PDE10A: variants seen among roughly 807,000 people sequenced by gnomAD.
PDE10A encodes the protein cAMP and cAMP-inhibited cGMP 3',5'-cyclic phosphodiesterase 10A.
Under a neutral mutation model 97.7 loss-of-function variants are expected in PDE10A, and 39 were observed. The observed-to-expected ratio is 0.40, with a 90% CI of 0.31 to 0.52. The LOEUF (loss-of-function observed/expected upper bound fraction) is 0.52. Ranked by LOEUF, PDE10A falls within the 20% of genes least tolerant of loss-of-function variation. PDE10A has a pLI of 0.56. For missense variants in PDE10A, 731 were observed against 1,047.8 expected, an observed-to-expected ratio of 0.70 and a Z score of 4.17; for synonymous variants, 371 against 376.8, an observed-to-expected ratio of 0.98 and a Z score of 0.18.
At chr6:165,879,992 C>G (rs1041817787) in intron 1 of PDE10A, among the ~76,000 whole-genome samples, 2 of 151,606 alleles carry the variant, frequency 1.3e-5, no homozygotes, top group Non-Finnish European at 2.9e-5. Context: ...CCATTATGAT[C>G]CATGAAGCCC....
chr6:165,396,517 T>C (rs988105282), intron 13 of PDE10A, 58 bp from the exon 14 acceptor site: 1 of 1,520,936 alleles, frequency 6.6e-7, no homozygotes, highest in Non-Finnish European at 8.9e-7. Flanking sequence ...TAAACTGTTT[T>C]GTCACGGAAG....
At chr6:165,722,869 C>CAT (rs774004451) in intron 1 of PDE10A, among the ~76,000 whole-genome samples, 1,809 of 146,526 alleles carry the variant, frequency 0.012, 36 homozygotes, top group African/African-American at 0.042. Flanking sequence ...AAAATTTGTT[C>CAT]ATATATATAT....
rs1299461452 is a variant in PDE10A, at chr6:165,734,904, C to T, written c.-614-191336G>A. ...TGTAAACAGTATTAATGTGTTCATT[C>T]GGATTCTGTATTAGGATTATCCACA... On this transcript the variant is annotated intron_variant, in intron 1 of 19. Transcript: ENST00000366882. Among the ~76,000 whole-genome samples, 6 of 152,126 alleles carry T rather than the reference C, an allele frequency of 3.9e-5. No individual in the cohort carries two copies. The East Asian group carries it at 5.8e-4, about 15-fold the overall frequency.
chr6:165,888,410 C>T (rs6908274), intron 1 of PDE10A, among the ~76,000 whole-genome samples: 1 of 151,558 alleles, frequency 6.6e-6, no homozygotes, highest in African/African-American at 2.4e-5. Context: ...CTCAGCCTCC[C>T]GAGTAGCTGG....
At chr6:165,502,898 T>C (rs1012633857) in intron 2 of PDE10A, among the ~76,000 whole-genome samples, 4 of 152,200 alleles carry the variant, frequency 2.6e-5, no homozygotes, top group Non-Finnish European at 5.9e-5. Context: ...CTTTCTGAGA[T>C]GACAGAAACG....
chr6:165,557,088 G>A (rs556996581), intron 1 of PDE10A, among the ~76,000 whole-genome samples: 3 of 152,040 alleles, frequency 2.0e-5, no homozygotes, highest in Admixed American at 1.3e-4. Flanking sequence ...GCAGTGAGTC[G>A]AGGTCGTGCC....
chr6:165,818,579 G>A (rs1779482163), intron 1 of PDE10A, among the ~76,000 whole-genome samples: 1 of 152,202 alleles, frequency 6.6e-6, no homozygotes, highest in African/African-American at 2.4e-5. Flanking sequence ...GATGTGAAGA[G>A]AGTCCTATCT....
chr6:165,713,479 A>G (rs1431802214), intron 1 of PDE10A, among the ~76,000 whole-genome samples: 1 of 152,228 alleles, frequency 6.6e-6, no homozygotes, highest in African/African-American at 2.4e-5. Context: ...GCTTGCTTGC[A>G]CTACAGAGGA....
At chr6:165,573,626 G>A (rs1447860254) in intron 1 of PDE10A, among the ~76,000 whole-genome samples, 2 of 152,086 alleles carry the variant, frequency 1.3e-5, no homozygotes, top group East Asian at 3.9e-4. Context: ...CTTATAAGTG[G>A]CAACGAACTG....
At chr6:165,766,010 A>G (rs1777841528) in intron 1 of PDE10A, among the ~76,000 whole-genome samples, 1 of 152,200 alleles carries the variant, frequency 6.6e-6, no homozygotes, top group Non-Finnish European at 1.5e-5. Flanking sequence ...CCCTGAGAAA[A>G]TATTTTTAAG....
chr6:165,650,944 G>A (rs565562515), intron 1 of PDE10A, among the ~76,000 whole-genome samples: 2 of 152,266 alleles, frequency 1.3e-5, no homozygotes, highest in South Asian at 2.1e-4. Flanking sequence ...CACCATGTTG[G>A]CCAGGATGGT....
chr6:165,974,401 C>T (rs889361392), intron 1 of PDE10A, among the ~76,000 whole-genome samples: 1 of 152,202 alleles, frequency 6.6e-6, no homozygotes, highest in Non-Finnish European at 1.5e-5. Flanking sequence ...TGGCACACCA[C>T]CCAGAGCCCT....
intron 1 of PDE10A, among the ~76,000 whole-genome samples, chr6:165,652,066 T>A (rs1465026237): frequency 6.6e-6 from 1 of 152,232 alleles, no homozygotes; most frequent in Non-Finnish European, 1.5e-5. Context: ...AGATCTTTAA[T>A]CTGCCTTTAA....
At position 165,575,259 on chromosome 6, in the gene PDE10A, C is replaced by A. The variant is rs938828800; in HGVS notation, c.866-31691G>T. Among the ~76,000 whole-genome samples the A allele has an allele frequency of 2.6e-5, 4 of 152,298 alleles. No homozygotes were observed. In the East Asian group the frequency reaches 7.7e-4, roughly 29 times the overall value. ...ATTTCTAACTGGTTAGAGAAAAATG[C>A]AGTCATGTCAATTCTTTTCTGCCTC... is the stretch of plus-strand genomic sequence containing the variant. On this transcript the variant is annotated intron_variant, in intron 1 of 21. Transcript: ENST00000539869.
At chr6:165,431,616 C>A in intron 7 of PDE10A, 144 bp from the exon 8 acceptor site, 1 of 262,704 alleles carries the variant, frequency 3.8e-6, no homozygotes. Context: ...ATATATCATA[C>A]ATAACATATA....
chr6:165,806,565 C>A (rs1460699131), intron 1 of PDE10A, among the ~76,000 whole-genome samples: 1 of 152,158 alleles, frequency 6.6e-6, no homozygotes, highest in Non-Finnish European at 1.5e-5. Context: ...GTGGGATGTG[C>A]TATTCTGGGA....
intron 1 of PDE10A, among the ~76,000 whole-genome samples, chr6:165,762,899 A>G (rs1258548843): frequency 1.3e-5 from 2 of 152,156 alleles, no homozygotes; most frequent in Non-Finnish European, 2.9e-5. Context: ...GCACACACAC[A>G]CATGTAGAGA....
At chr6:165,649,292 A>G (rs1050165499) in intron 1 of PDE10A, among the ~76,000 whole-genome samples, 1 of 152,216 alleles carries the variant, frequency 6.6e-6, no homozygotes, top group Non-Finnish European at 1.5e-5. Context: ...GTGATAAGAC[A>G]AAGAAAGCTG....
At chr6:165,340,843 TCC>T (rs922807279) in intron 19 of PDE10A, among the ~76,000 whole-genome samples, 15 of 152,222 alleles carry the variant, frequency 9.9e-5, no homozygotes, top group Admixed American at 5.2e-4. Flanking sequence ...TGTGGGGCTC[TCC>T]ACACGGAGGT....
Sources: gnomAD v4.1 joint callset for allele counts (sites outside exome capture counted in the v4.1 genomes callset) on GRCh38, gnomAD v4.1.1 for gene constraint, MANE v1.5 for transcripts, NCBI Gene and HGNC (gene_info 2026-07-23, HGNC 2026-07-21) for gene names.